WDPCP: variants seen among roughly 807,000 people sequenced by gnomAD.
WDPCP encodes WD repeat containing planar cell polarity effector.
In WDPCP, 71 loss-of-function variants were observed where a neutral mutation model predicts 93.1. The ratio of observed to expected loss-of-function variants is 0.76; its 90% confidence interval spans 0.63 to 0.93. WDPCP has a LOEUF of 0.93. Ranked by LOEUF, WDPCP falls within the 40% of genes least tolerant of loss-of-function variation. The probability of loss-of-function intolerance (pLI) is 0.00; values close to 1 mark genes in which losing one functional copy is unlikely to be tolerated. For synonymous variants in WDPCP, 315 were observed against 315.0 expected (o/e 1.00, Z 0.00); for missense variants, 844 against 887.4 (o/e 0.95, Z 0.62).
intron 2 of WDPCP, among the ~76,000 whole-genome samples, chr2:63,805,680 G>T (rs578199813): frequency 1.3e-5 from 2 of 152,178 alleles, no homozygotes; most frequent in South Asian, 4.2e-4. Flanking sequence ...ACATTAGGAG[G>T]GGCAATGCCA....
intron 1 of WDPCP, among the ~76,000 whole-genome samples, chr2:63,553,617 A>G (rs1057304226): frequency 1.3e-5 from 2 of 152,056 alleles, no homozygotes; most frequent in African/African-American, 4.8e-5. Flanking sequence ...TCACCTTTAC[A>G]TCAATCTGAT....
At chr2:63,782,740 A>ATGTGTGTG (rs70965143) in intron 2 of WDPCP, among the ~76,000 whole-genome samples, 1,585 of 141,178 alleles carry the variant, frequency 0.011, 12 homozygotes, top group African/African-American at 0.018. Context: ...CACAGGCAAC[A>ATGTGTGTG]TGTGTGTGTG....
chr2:63,604,726 G>C, intron 3 of WDPCP: 1 of 1,614,056 alleles, frequency 6.2e-7, no homozygotes, highest in Non-Finnish European at 8.5e-7. Context: ...GACTGCTAAT[G>C]ATGTAAAGAA....
intron 3 of WDPCP, chr2:63,643,822 C>T: frequency 3.7e-6 from 2 of 543,276 alleles, no homozygotes; most frequent in Non-Finnish European, 7.5e-6. Context: ...CAGTTTGGAC[C>T]TTTCCATTGA....
chr2:63,177,740 C>T (rs924877364), intron 14 of WDPCP, among the ~76,000 whole-genome samples: 3 of 151,978 alleles, frequency 2.0e-5, no homozygotes, highest in African/African-American at 7.2e-5. Flanking sequence ...TTGACTAGGA[C>T]ATTCCAGTAT....
At chr2:63,410,150 T>C (rs1484450316) in intron 9 of WDPCP, among the ~76,000 whole-genome samples, 1 of 152,152 alleles carries the variant, frequency 6.6e-6, no homozygotes, top group African/African-American at 2.4e-5. Context: ...GGAAAACCTA[T>C]CAGATTAACA....
At chr2:63,219,243 A>G (rs938328645) in intron 14 of WDPCP, among the ~76,000 whole-genome samples, 4 of 152,246 alleles carry the variant, frequency 2.6e-5, no homozygotes, top group South Asian at 4.1e-4. Context: ...AAACATCACT[A>G]TGCTACTCTG....
At chr2:63,393,633 A>C (rs1262381545) in intron 10 of WDPCP, among the ~76,000 whole-genome samples, 1 of 152,304 alleles carries the variant, frequency 6.6e-6, no homozygotes. Context: ...CTAAACAAAA[A>C]GAACAAAGCT....
intron 1 of WDPCP, among the ~76,000 whole-genome samples, chr2:63,817,154 G>C (rs539780610): frequency 6.6e-6 from 1 of 150,846 alleles, no homozygotes; most frequent in East Asian, 1.9e-4. Flanking sequence ...CTGTCACCCA[G>C]GCTGAAGTGC....
At chr2:63,450,153 C>A (rs1384998531) in intron 6 of WDPCP, among the ~76,000 whole-genome samples, 1 of 152,176 alleles carries the variant, frequency 6.6e-6, no homozygotes, top group Non-Finnish European at 1.5e-5. Flanking sequence ...GAAACCAGGA[C>A]TCCTTCTTCC....
At chr2:63,229,186 A>C (rs1366850791) in intron 14 of WDPCP, 1 of 152,184 alleles carries the variant, frequency 6.6e-6, no homozygotes, top group Non-Finnish European at 1.5e-5. Context: ...ATGGCCAGTG[A>C]TGATGAGCAT....
At chr2:63,476,462 A>G (rs1699979449) in intron 6 of WDPCP, among the ~76,000 whole-genome samples, 1 of 152,084 alleles carries the variant, frequency 6.6e-6, no homozygotes, top group African/African-American at 2.4e-5. Flanking sequence ...GGTCTAAGTA[A>G]AGTTATAAAT....
chr2:63,134,052 T>G (rs975101510), intron 17 of WDPCP, among the ~76,000 whole-genome samples: 2 of 152,216 alleles, frequency 1.3e-5, no homozygotes, highest in African/African-American at 4.8e-5. Context: ...TTTGCTGATG[T>G]CATTCTTCCT....
chr2:63,364,051 TA>T (rs1318970020), intron 12 of WDPCP, among the ~76,000 whole-genome samples: 8 of 151,188 alleles, frequency 5.3e-5, no homozygotes, highest in Non-Finnish European at 1.0e-4. Context: ...TCCCTGTCTT[TA>T]AAAAAAAATA....
intron 17 of WDPCP, among the ~76,000 whole-genome samples, chr2:63,125,959 A>G (rs1669874425): frequency 7.3e-6 from 1 of 137,928 alleles, no homozygotes. Context: ...TTTTGAGATA[A>G]GGTCTCACTC....
At chr2:63,686,431 A>G (rs534891420) in intron 2 of WDPCP, among the ~76,000 whole-genome samples, 3 of 152,324 alleles carry the variant, frequency 2.0e-5, no homozygotes, top group African/African-American at 7.2e-5. Flanking sequence ...CTGATTCTAG[A>G]TATTGAAGAG....
chr2:63,153,622 A>T, intron 15 of WDPCP, 48 bp from the exon 16 acceptor site: 1 of 1,394,054 alleles, frequency 7.2e-7, no homozygotes. Flanking sequence ...AAAAAAGAAA[A>T]TTTTAAGGTT....
intron 3 of WDPCP, among the ~76,000 whole-genome samples, chr2:63,637,062 C>G (rs1709928075): frequency 6.6e-6 from 1 of 152,046 alleles, no homozygotes; most frequent in African/African-American, 2.4e-5. Flanking sequence ...CAAAAACAAA[C>G]AAGAGTGGCG....
intron 3 of WDPCP, among the ~76,000 whole-genome samples, chr2:63,633,633 T>C (rs192136325): frequency 6.6e-6 from 1 of 151,184 alleles, no homozygotes; most frequent in East Asian, 1.9e-4. Context: ...CATTCCACTA[T>C]GGAAAAACCA....
Sources: gnomAD v4.1 joint callset for allele counts (sites outside exome capture counted in the v4.1 genomes callset) on GRCh38, gnomAD v4.1.1 for gene constraint, MANE v1.5 for transcripts, NCBI Gene and HGNC (gene_info 2026-07-23, HGNC 2026-07-21) for gene names.